Variants in DMD observed in about 807,000 individuals in gnomAD.
The protein encoded by DMD is mutant dystrophin.
DMD carries 63 observed loss-of-function variants against 330.1 expected under a neutral mutation model. The ratio of observed to expected loss-of-function variants is 0.19; its 90% CI spans 0.16 to 0.24. The LOEUF is 0.24. Among genes scored for constraint, DMD ranks in the 10% least tolerant of loss-of-function variants. DMD has a pLI of 1.00. For synonymous variants in DMD, 1,223 were observed against 959.8 expected (o/e 1.27, Z -5.07); for missense variants, 3,344 against 2,684.1 (o/e 1.25, Z -5.43).
At chrX:32,707,383 G>T (rs2147732942) in intron 7 of DMD, among the ~76,000 whole-genome samples, 1 of 112,043 alleles carries the variant, frequency 8.9e-6, no homozygotes, top group South Asian at 3.7e-4. Flanking sequence ...AATTAAATCA[G>T]AATGGAAGCT....
chrX:31,266,688 C>T (rs2051157230), intron 62 of DMD: 1 of 736,498 alleles, frequency 1.4e-6, no homozygotes, highest in African/African-American at 2.1e-5. Context: ...CCCAGCCGCC[C>T]GGCGCCCCGG....
chrX:33,147,273 A>G (rs2048080339), intron 1 of DMD, among the ~76,000 whole-genome samples: 1 of 111,150 alleles, frequency 9.0e-6, no homozygotes, highest in African/African-American at 3.3e-5. Context: ...AATAAAACAG[A>G]GTTATTTTAA....
rs764333201 is a variant in DMD, at chrX:32,552,671, C to A, written c.1993-7337G>T. Among the ~76,000 whole-genome samples the A allele has an allele frequency of 5.3e-4, 59 of 112,058 alleles. 1 individual carries two copies. The highest frequency in any genetic ancestry group is 1.9e-3 in the African/African-American group (59 of 30,887). On this transcript the variant is annotated intron_variant, in intron 16 of 78. Coordinates refer to ENST00000357033, the MANE Select transcript of DMD (RefSeq NM_004006.3). ...TGGGAGAAAAATTTTGCAAACTTTC[C>A]ATCTGACAAGGGTCTAATATCTGGA...
chrX:31,882,459 A>G (rs889282931), intron 47 of DMD, among the ~76,000 whole-genome samples: 6 of 112,112 alleles, frequency 5.4e-5, no homozygotes, highest in African/African-American at 1.6e-4. Flanking sequence ...AATATAGAAA[A>G]AAATCTCAAC....
chrX:33,338,006 T>A (rs1405277092), intron 1 of DMD, among the ~76,000 whole-genome samples: 1 of 112,147 alleles, frequency 8.9e-6, no homozygotes, highest in African/African-American at 3.2e-5. Flanking sequence ...TGGAGGAGAC[T>A]GGGTAGAGAG....
At chrX:31,958,905 C>G (rs1167262104) in intron 45 of DMD, among the ~76,000 whole-genome samples, 3 of 111,174 alleles carry the variant, frequency 2.7e-5, no homozygotes, top group African/African-American at 9.8e-5. Context: ...CTCTGTATGT[C>G]TGATTTGCTT....
intron 52 of DMD, among the ~76,000 whole-genome samples, chrX:31,721,231 T>C (rs2085448032): frequency 9.0e-6 from 1 of 111,564 alleles, no homozygotes; most frequent in Admixed American, 9.6e-5. Flanking sequence ...TGGCTGATGA[T>C]GGTAAATTTT....
intron 2 of DMD, among the ~76,000 whole-genome samples, chrX:32,932,679 C>G (rs2089691108): frequency 9.0e-6 from 1 of 111,601 alleles, no homozygotes; most frequent in Non-Finnish European, 1.9e-5. Context: ...GGCAAATGAT[C>G]CCCATTATAG....
intron 13 of DMD, among the ~76,000 whole-genome samples, chrX:32,588,254 G>A (rs1027327402): frequency 1.8e-4 from 20 of 111,823 alleles, no homozygotes; most frequent in African/African-American, 6.2e-4. Context: ...GTATATGATC[G>A]GTGCCCAAAC....
intron 52 of DMD, among the ~76,000 whole-genome samples, chrX:31,728,201 A>G (rs1316733682): frequency 9.1e-6 from 1 of 109,881 alleles, no homozygotes; most frequent in African/African-American, 3.3e-5. Context: ...TTTTTTTTGT[A>G]TTTTTAGTAG....
chrX:31,803,358 GTGA>G (rs1287470118), intron 50 of DMD, among the ~76,000 whole-genome samples: 5 of 112,649 alleles, frequency 4.4e-5, no homozygotes, highest in African/African-American at 1.6e-4. Context: ...TGTTACAATT[GTGA>G]TGATAATCTT....
chrX:33,283,415 T>C (rs1320278210), intron 1 of DMD, among the ~76,000 whole-genome samples: 1 of 108,857 alleles, frequency 9.2e-6, no homozygotes, highest in Non-Finnish European at 1.9e-5. Flanking sequence ...TGGTGGGCAC[T>C]CGGGAGGCTG....
At chrX:31,583,006 G>T (rs2076408714) in intron 55 of DMD, among the ~76,000 whole-genome samples, 1 of 112,010 alleles carries the variant, frequency 8.9e-6, no homozygotes. Flanking sequence ...TTCAGTTTGG[G>T]ACATGCTAAT....
intron 50 of DMD, among the ~76,000 whole-genome samples, chrX:31,794,029 T>C (rs1395253383): frequency 1.8e-5 from 2 of 111,275 alleles, no homozygotes; most frequent in Non-Finnish European, 3.8e-5. Flanking sequence ...ATACAAGTTT[T>C]CCCGACAATT....
Position 32,050,974 on chromosome X carries a change from C to CTTTTTTTTTTT in DMD, c.6439-82471_6439-82461dup, listed in dbSNP as rs761835866. On this transcript the variant is annotated intron_variant, in intron 44 of 78. Coordinates refer to ENST00000357033, the MANE Select transcript of DMD (RefSeq NM_004006.3). ...TTACATTGCCTCAGGCTAACTTCCT[C>CTTTTTTTTTTT]TTTTTTTTTTTTTCCCCCTAATAGA... Among the ~76,000 whole-genome samples, 60 of 78,115 alleles carry CTTTTTTTTTTT rather than the reference C, an allele frequency of 7.7e-4. 4 individuals carry two copies. The highest frequency in any genetic ancestry group is 1.0e-3 in the Admixed American group (7 of 7,022). The allele number at this position is 78,115 out of a possible 115,157, so 67.8% of individuals were successfully genotyped here. A position where few individuals can be genotyped will look rare whatever the true frequency, so the allele number is the denominator to read the frequency against.
chrX:32,509,146 C>A (rs904468915), intron 18 of DMD, among the ~76,000 whole-genome samples: 16 of 103,138 alleles, frequency 1.6e-4, no homozygotes, highest in African/African-American at 5.0e-4. Context: ...GATGAGAGTA[C>A]CTTGTTCGTG....
At chrX:31,980,875 A>T (rs1244261830) in intron 44 of DMD, among the ~76,000 whole-genome samples, 1 of 112,037 alleles carries the variant, frequency 8.9e-6, no homozygotes, top group African/African-American at 3.2e-5. Context: ...AAATAAAAAC[A>T]ATATCATTTT....
intron 7 of DMD, among the ~76,000 whole-genome samples, chrX:32,746,600 G>A (rs2070047400): frequency 9.0e-6 from 1 of 111,682 alleles, no homozygotes; most frequent in African/African-American, 3.3e-5. Flanking sequence ...TGCATATTTA[G>A]GAGGTACAGA....
chrX:33,147,433 T>C (rs1201648221), intron 1 of DMD, among the ~76,000 whole-genome samples: 1 of 112,387 alleles, frequency 8.9e-6, no homozygotes, highest in East Asian at 2.8e-4. Context: ...CACATTCCCC[T>C]GCTCAATAGC....
Sources: gnomAD v4.1 joint callset for allele counts (sites outside exome capture counted in the v4.1 genomes callset) on GRCh38, gnomAD v4.1.1 for gene constraint, MANE v1.5 for transcripts, NCBI Gene and HGNC (gene_info 2026-07-23, HGNC 2026-07-21) for gene names.